The following STAU2 variants were observed in gnomAD, a reference collection of about 807,000 sequenced individuals.
The protein encoded by STAU2 is double-stranded RNA-binding protein Staufen homolog 2.
In STAU2, 20 loss-of-function variants were observed where a neutral mutation model predicts 65.9. The ratio of observed to expected loss-of-function variants is 0.30; its 90% confidence interval spans 0.21 to 0.44. STAU2 has a LOEUF of 0.44. STAU2 is among the 20% of genes least tolerant of loss of function. The pLI is 1.00. For missense variants in STAU2, 558 were observed against 683.9 expected, an observed-to-expected ratio of 0.82 and a Z score of 2.05; for synonymous variants, 232 against 233.9, an observed-to-expected ratio of 0.99 and a Z score of 0.07.
At chr8:73,578,305 A>AAATC (rs1809726057) in intron 12 of STAU2, among the ~76,000 whole-genome samples, 1 of 152,188 alleles carries the variant, frequency 6.6e-6, no homozygotes, top group Admixed American at 6.5e-5. Flanking sequence ...TTTTTCCTTT[A>AAATC]AATCAATGGA....
In STAU2 at chr8:73,646,690, G is replaced by A. The variant is rs576303772; in HGVS notation, c.410+26417C>T. Among the ~76,000 whole-genome samples the A allele has an allele frequency of 3.5e-4, 53 of 151,968 alleles. No individual in the cohort carries two copies. The South Asian group carries it at 9.1e-3, about 26-fold the overall frequency. ...AGGAGATTTAGACTTGATACCCAAA[G>A]CACACTCACAAAAAAAACTGATAAA... is the stretch of plus-strand genomic sequence containing the variant. On this transcript the variant is annotated intron_variant, in intron 6 of 14. Coordinates refer to ENST00000524300, the MANE Select transcript of STAU2 (RefSeq NM_001164380.2).
chr8:73,737,565 C>CTTTTTT (rs538636180), intron 3 of STAU2, among the ~76,000 whole-genome samples: 1 of 141,600 alleles, frequency 7.1e-6, no homozygotes, highest in African/African-American at 2.6e-5. Flanking sequence ...TGTTTCTTTC[C>CTTTTTT]TTTTTTTTTT....
chr8:73,556,201 A>T (rs577110736), intron 12 of STAU2, among the ~76,000 whole-genome samples: 1 of 152,330 alleles, frequency 6.6e-6, no homozygotes, highest in East Asian at 1.9e-4. Flanking sequence ...ACTGTTTCTT[A>T]AAACAATTCC....
chr8:73,698,875 A>G (rs1819871220), intron 4 of STAU2, among the ~76,000 whole-genome samples: 1 of 150,964 alleles, frequency 6.6e-6, no homozygotes, highest in Non-Finnish European at 1.5e-5. Flanking sequence ...CACATGGATC[A>G]TTCTCAAGGA....
chr8:73,654,637 C>CAAAAAAAA (rs71269928), intron 6 of STAU2, among the ~76,000 whole-genome samples: 485 of 26,272 alleles, frequency 0.018, 56 homozygotes, highest in African/African-American at 0.05. Context: ...AAGATTGTCT[C>CAAAAAAAA]AAAAAAAAAA....
At chr8:73,592,584 T>G (rs553427806) in intron 11 of STAU2, among the ~76,000 whole-genome samples, 79 of 152,056 alleles carry the variant, frequency 5.2e-4, no homozygotes, top group African/African-American at 1.9e-3. Flanking sequence ...ACCAACCAGG[T>G]GAGGTGCCTC....
At chr8:73,535,713 C>T (rs1806137871) in intron 13 of STAU2, among the ~76,000 whole-genome samples, 1 of 152,158 alleles carries the variant, frequency 6.6e-6, no homozygotes, top group South Asian at 2.1e-4. Context: ...AAAGAAGCCA[C>T]ATTAAACGGC....
intron 12 of STAU2, among the ~76,000 whole-genome samples, chr8:73,572,663 T>C (rs1287498236): frequency 5.3e-5 from 8 of 152,178 alleles, no homozygotes; most frequent in Non-Finnish European, 8.8e-5. Flanking sequence ...ATTATCTCAA[T>C]AGATGCAGAA....
chr8:73,635,982 C>T (rs1258915009), intron 6 of STAU2, among the ~76,000 whole-genome samples: 3 of 144,992 alleles, frequency 2.1e-5, no homozygotes, highest in Admixed American at 6.9e-5. Context: ...AATTTAGCTA[C>T]GAGATTAGAA....
intron 12 of STAU2, among the ~76,000 whole-genome samples, chr8:73,560,011 A>G (rs1011512304): frequency 2.0e-5 from 3 of 152,050 alleles, no homozygotes. Context: ...TCTTCTTAAG[A>G]TCAGTTTCAG....
chr8:73,741,085 C>T (rs1342491938), intron 1 of STAU2, among the ~76,000 whole-genome samples: 2 of 149,226 alleles, frequency 1.3e-5, no homozygotes, highest in Non-Finnish European at 3.0e-5. Context: ...GCGGGCGGAT[C>T]ATGAGGTCAG....
At chr8:73,573,192 T>C (rs1586034524) in intron 12 of STAU2, among the ~76,000 whole-genome samples, 1 of 152,190 alleles carries the variant, frequency 6.6e-6, no homozygotes, top group South Asian at 2.1e-4. Context: ...ATCCAACTTA[T>C]AAGGGATGTG....
chr8:73,575,624 A>G (rs899413372), intron 12 of STAU2, among the ~76,000 whole-genome samples: 1 of 152,180 alleles, frequency 6.6e-6, no homozygotes, highest in Non-Finnish European at 1.5e-5. Flanking sequence ...ATAAATCCCT[A>G]TACATATCAA....
intron 13 of STAU2, among the ~76,000 whole-genome samples, chr8:73,462,631 C>G (rs1290354799): frequency 6.6e-6 from 1 of 151,536 alleles, no homozygotes; most frequent in Non-Finnish European, 1.5e-5. Context: ...CTCCTGGGCT[C>G]AAGCAATCCT....
chr8:73,631,000 C>A lies in STAU2; in HGVS notation c.411-13549G>T, dbSNP rs1052238171. Among the ~76,000 whole-genome samples, 2 of 152,076 alleles carry A rather than the reference C, an allele frequency of 1.3e-5. 1 individual carries two copies. Among genetic ancestry groups the A allele is most frequent in the South Asian group, 4.1e-4 (2 of 4,830 alleles). On this transcript the variant is annotated intron_variant, in intron 6 of 14. Coordinates refer to ENST00000524300, the MANE Select transcript of STAU2 (RefSeq NM_001164380.2). ...TTCCCATTAGCGCTTGTACCATACC[C>A]GGGAGAACATCACTTCATGCCTGTC... is the stretch of plus-strand genomic sequence containing the variant.
chr8:73,520,682 G>C, intron 13 of STAU2, among the ~76,000 whole-genome samples: 1 of 152,312 alleles, frequency 6.6e-6, no homozygotes, highest in South Asian at 2.1e-4. Flanking sequence ...GACACAAGAA[G>C]ATCAGCTCTC....
chr8:73,424,600 G>A (rs1338306104), intron 13 of STAU2, among the ~76,000 whole-genome samples: 3 of 151,860 alleles, frequency 2.0e-5, no homozygotes, highest in African/African-American at 7.3e-5. Flanking sequence ...CAGTTTGTCC[G>A]TTCACTTATT....
chr8:73,535,841 A>G (rs1346131549), intron 13 of STAU2, among the ~76,000 whole-genome samples: 1 of 152,216 alleles, frequency 6.6e-6, no homozygotes, highest in Non-Finnish European at 1.5e-5. Flanking sequence ...TCTTCTCTCT[A>G]TGGGGCAAAC....
At chr8:73,671,843 T>TA (rs1458549959) in intron 6 of STAU2, among the ~76,000 whole-genome samples, 3 of 152,010 alleles carry the variant, frequency 2.0e-5, no homozygotes, top group African/African-American at 7.3e-5. Context: ...CTGGCCAACA[T>TA]AGTGAAACCC....
Sources: gnomAD v4.1 joint callset for allele counts (sites outside exome capture counted in the v4.1 genomes callset) on GRCh38, gnomAD v4.1.1 for gene constraint, MANE v1.5 for transcripts, NCBI Gene and HGNC (gene_info 2026-07-23, HGNC 2026-07-21) for gene names.